Variants in TMEFF1 observed in about 807,000 individuals in gnomAD.
TMEFF1 encodes the protein tomoregulin-1.
Under a neutral mutation model 47.5 loss-of-function variants are expected in TMEFF1, and 20 were observed. The ratio of observed to expected loss-of-function variants is 0.42; its 90% CI spans 0.30 to 0.61. The LOEUF is 0.61. Among genes scored for constraint, TMEFF1 ranks in the 20% least tolerant of loss-of-function variants. TMEFF1 has a pLI of 0.19. For missense variants in TMEFF1, 411 were observed against 471.1 expected, an observed-to-expected ratio of 0.87 and a Z score of 1.18; for synonymous variants, 162 against 166.3, an observed-to-expected ratio of 0.97 and a Z score of 0.20.
chr9:100,516,272 A>G (rs1270637155), intron 4 of TMEFF1, among the ~76,000 whole-genome samples: 1 of 152,176 alleles, frequency 6.6e-6, no homozygotes, highest in Non-Finnish European at 1.5e-5. Flanking sequence ...TTTTGTGGTC[A>G]GGCGCTTATC....
intron 5 of TMEFF1, among the ~76,000 whole-genome samples, chr9:100,521,642 A>G (rs1008102593): frequency 6.6e-6 from 1 of 152,220 alleles, no homozygotes; most frequent in South Asian, 2.1e-4. Context: ...TAGTGGGGAC[A>G]CATAATCATA....
In TMEFF1 at chr9:100,509,101, A is replaced by G; in HGVS notation, c.403A>G (p.Ile135Val). The G allele has an allele frequency of 6.3e-7, 1 of 1,593,850 alleles. No individual in the cohort carries two copies. ...RRAACKHQKE[I>V]TVIARGPCYS... ...GGCTGCTTGTAAGCACCAGAAAGAGATAACAGTAATAGCAAGAGGACCATG... is the reference window on the plus strand; with the variant it reads ...GGCTGCTTGTAAGCACCAGAAAGAGGTAACAGTAATAGCAAGAGGACCATG... The change falls in exon 3 of 10, where the codon ATA (isoleucine) becomes GTA (valine). Residue 135 changes from isoleucine to valine, a missense_variant. Coordinates refer to ENST00000374879, the MANE Select transcript of TMEFF1 (RefSeq NM_003692.5).
chr9:100,532,098 G>A (rs1286075380), intron 5 of TMEFF1, among the ~76,000 whole-genome samples: 3 of 151,968 alleles, frequency 2.0e-5, no homozygotes, highest in Non-Finnish European at 4.4e-5. Context: ...ATTCAAGGTG[G>A]ATTAAAGACT....
At chr9:100,540,248 A>G (rs568958220) in intron 5 of TMEFF1, among the ~76,000 whole-genome samples, 1 of 152,084 alleles carries the variant, frequency 6.6e-6, no homozygotes, top group South Asian at 2.1e-4. Context: ...CTAGACACAG[A>G]GCACTGATTG....
chr9:100,549,605 G>A (rs944336446), intron 6 of TMEFF1, among the ~76,000 whole-genome samples: 1 of 152,126 alleles, frequency 6.6e-6, no homozygotes, highest in Non-Finnish European at 1.5e-5. Flanking sequence ...TTCTAAACAC[G>A]TGGTTATGGC....
intron 1 of TMEFF1, among the ~76,000 whole-genome samples, chr9:100,482,424 CT>C (rs1407518767): frequency 6.6e-6 from 1 of 152,004 alleles, no homozygotes; most frequent in Admixed American, 6.5e-5. Flanking sequence ...TCTTGAACTC[CT>C]GACCTCAAGT....
intron 5 of TMEFF1, among the ~76,000 whole-genome samples, chr9:100,529,577 C>T (rs984171177): frequency 2.6e-5 from 4 of 151,878 alleles, no homozygotes; most frequent in African/African-American, 4.8e-5. Flanking sequence ...TACAGGAGCA[C>T]CCAGATTCAT....
chr9:100,574,312 G>A (rs929432654), intron 9 of TMEFF1, among the ~76,000 whole-genome samples: 1 of 152,214 alleles, frequency 6.6e-6, no homozygotes, highest in Non-Finnish European at 1.5e-5. Context: ...GAGTTAAATA[G>A]GAGTGAGGTA....
At chr9:100,530,355 A>G (rs1247520349) in intron 5 of TMEFF1, among the ~76,000 whole-genome samples, 1 of 152,146 alleles carries the variant, frequency 6.6e-6, no homozygotes, top group South Asian at 2.1e-4. Flanking sequence ...TAACAAAGAA[A>G]AAAAGAGAGA....
chr9:100,484,306 A>G (rs1837404942), intron 1 of TMEFF1, among the ~76,000 whole-genome samples: 2 of 151,808 alleles, frequency 1.3e-5, no homozygotes, highest in South Asian at 4.2e-4. Context: ...CATCTCCTCC[A>G]AAAGGAACTT....
chr9:100,539,081 A>G (rs564190105), intron 5 of TMEFF1, among the ~76,000 whole-genome samples: 1 of 151,998 alleles, frequency 6.6e-6, no homozygotes, highest in South Asian at 2.1e-4. Flanking sequence ...TAATTTTTGT[A>G]TTTTAGTAGA....
At position 100,532,381 on chromosome 9, in the gene TMEFF1, C is replaced by A. The variant is rs1271166226; in HGVS notation, c.561-15363C>A. ...AATATCCAGAATCTACAATGAACTC[C>A]AACAAATTTACAAGAAAAAAACAAC... is the stretch of plus-strand genomic sequence containing the variant. On this transcript the variant is annotated intron_variant, in intron 5 of 9. Transcript: ENST00000374879. Among the ~76,000 whole-genome samples, 912 of 151,938 alleles carry A rather than the reference C, an allele frequency of 6.0e-3. 7 individuals carry two copies. Among genetic ancestry groups the A allele is most frequent in the African/African-American group, 0.02 (843 of 41,388 alleles).
At chr9:100,540,382 A>G (rs902051300) in intron 5 of TMEFF1, among the ~76,000 whole-genome samples, 2 of 152,210 alleles carry the variant, frequency 1.3e-5, no homozygotes, top group African/African-American at 4.8e-5. Flanking sequence ...TCACCTCTCA[A>G]TGGCACTTGC....
chr9:100,561,671 G>GAA, intron 8 of TMEFF1, 151 bp downstream of exon 8: 5 of 1,213,164 alleles, frequency 4.1e-6, no homozygotes, highest in Non-Finnish European at 4.2e-6. Context: ...GCATCATTTG[G>GAA]AAAAAAAAAC....
intron 5 of TMEFF1, among the ~76,000 whole-genome samples, chr9:100,526,698 T>C (rs899982442): frequency 1.6e-4 from 25 of 152,252 alleles, no homozygotes; most frequent in African/African-American, 6.0e-4. Flanking sequence ...ATTTTTCTTT[T>C]ATTCATTTGT....
chr9:100,483,010 TC>T (rs1458248879), intron 1 of TMEFF1, among the ~76,000 whole-genome samples: 1 of 152,218 alleles, frequency 6.6e-6, no homozygotes, highest in Admixed American at 6.5e-5. Context: ...CCTTAAACTT[TC>T]CCTTTTGTCT....
chr9:100,559,612 ATTAAT>A (rs1474814070), intron 7 of TMEFF1, among the ~76,000 whole-genome samples: 1 of 151,900 alleles, frequency 6.6e-6, no homozygotes, highest in Non-Finnish European at 1.5e-5. Flanking sequence ...TATGATTAAA[ATTAAT>A]TTACTTGTTT....
At chr9:100,498,706 G>GAC (rs929237366) in intron 1 of TMEFF1, 59 bp from the exon 2 acceptor site, 1 of 1,522,644 alleles carries the variant, frequency 6.6e-7, no homozygotes, top group Non-Finnish European at 9.1e-7. Flanking sequence ...CACGCGCACA[G>GAC]ACACACACAC....
At chr9:100,504,133 A>C (rs1378645590) in intron 2 of TMEFF1, among the ~76,000 whole-genome samples, 1 of 152,198 alleles carries the variant, frequency 6.6e-6, no homozygotes, top group Non-Finnish European at 1.5e-5. Context: ...TACAGGGGAG[A>C]GTTCTTCCTC....
Sources: gnomAD v4.1 joint callset for allele counts (sites outside exome capture counted in the v4.1 genomes callset) on GRCh38, gnomAD v4.1.1 for gene constraint, MANE v1.5 for transcripts, NCBI Gene and HGNC (gene_info 2026-07-23, HGNC 2026-07-21) for gene names.